The following PPP3CC variants were observed in gnomAD, a reference collection of about 807,000 sequenced individuals.
PPP3CC encodes serine/threonine-protein phosphatase 2B catalytic subunit gamma isoform.
In PPP3CC, 35 loss-of-function variants were observed where a neutral mutation model predicts 60.3. That is an observed-to-expected ratio of 0.58 (90% CI 0.44 to 0.77). The LOEUF (loss-of-function observed/expected upper bound fraction) is 0.77. PPP3CC is among the 30% of genes least tolerant of loss of function. The pLI, the probability that PPP3CC is intolerant of heterozygous loss-of-function variation, is 0.00. For missense variants in PPP3CC, 570 were observed against 628.9 expected, an observed-to-expected ratio of 0.91 and a Z score of 1.00; for synonymous variants, 206 against 224.3, an observed-to-expected ratio of 0.92 and a Z score of 0.73.
chr8:22,459,772 G>A (rs1196508624), intron 1 of PPP3CC, among the ~76,000 whole-genome samples: 1 of 152,156 alleles, frequency 6.6e-6, no homozygotes, highest in Non-Finnish European at 1.5e-5. Flanking sequence ...GTATTAGGAG[G>A]TATGGTCTTG....
chr8:22,444,999 A>G (rs774681443), intron 1 of PPP3CC, among the ~76,000 whole-genome samples: 14 of 152,244 alleles, frequency 9.2e-5, no homozygotes, highest in Admixed American at 5.9e-4. Context: ...CATGACAAAT[A>G]TAGAGAATCC....
At chr8:22,486,071 G>C (rs958762415) in intron 3 of PPP3CC, among the ~76,000 whole-genome samples, 6 of 143,870 alleles carry the variant, frequency 4.2e-5, no homozygotes, top group African/African-American at 1.7e-4. Flanking sequence ...TCTTGACTCT[G>C]TTTTAGTTGG....
At chr8:22,467,735 A>G (rs1456638058) in intron 1 of PPP3CC, among the ~76,000 whole-genome samples, 1 of 152,116 alleles carries the variant, frequency 6.6e-6, no homozygotes, top group Non-Finnish European at 1.5e-5. Flanking sequence ...CCTGTTCAAG[A>G]TGTTATAACA....
chr8:22,457,119 C>G (rs1265854535), intron 1 of PPP3CC, among the ~76,000 whole-genome samples: 7 of 146,876 alleles, frequency 4.8e-5, no homozygotes, highest in Non-Finnish European at 7.5e-5. Flanking sequence ...ATCCCTTCCC[C>G]TCTCTCAATA....
At position 22,468,437 on chromosome 8, in the gene PPP3CC, G is replaced by A. The variant is rs531616659; in HGVS notation, c.50-6517G>A. Among the ~76,000 whole-genome samples, 4 of 152,216 alleles carry A rather than the reference G, an allele frequency of 2.6e-5. No individual in the cohort carries two copies. In the South Asian group the frequency reaches 8.3e-4, roughly 32 times the overall value. ...GCTAGTCATTCTAAACTGGAAGCTT[G>A]ACATAATATTTTGAATCAAGCATTT... On this transcript the variant is annotated intron_variant, in intron 1 of 13. Transcript: ENST00000240139.
At chr8:22,453,396 T>A (rs1036239356) in intron 1 of PPP3CC, among the ~76,000 whole-genome samples, 1 of 152,204 alleles carries the variant, frequency 6.6e-6, no homozygotes, top group African/African-American at 2.4e-5. Context: ...CCTTAGGCGA[T>A]TTCATCATTA....
chr8:22,519,345 TTTTGA>T (rs1294201367), intron 6 of PPP3CC, among the ~76,000 whole-genome samples: 1 of 152,242 alleles, frequency 6.6e-6, no homozygotes, highest in African/African-American at 2.4e-5. Context: ...ATACTATATC[TTTTGA>T]TTTGAGAGTT....
At chr8:22,527,543 A>C in intron 9 of PPP3CC, 26 bp downstream of exon 9, 1 of 1,610,832 alleles carries the variant, frequency 6.2e-7, no homozygotes, top group East Asian at 2.2e-5. Context: ...CACATGTCTC[A>C]TCAGTTGTTT....
At chr8:22,491,761 G>A (rs745346407) in intron 3 of PPP3CC, among the ~76,000 whole-genome samples, 1 of 151,956 alleles carries the variant, frequency 6.6e-6, no homozygotes, top group Non-Finnish European at 1.5e-5. Flanking sequence ...TTGATTTGAT[G>A]TAATTTGATT....
chr8:22,529,649 A>T (rs994984878), intron 10 of PPP3CC, among the ~76,000 whole-genome samples: 1 of 151,848 alleles, frequency 6.6e-6, no homozygotes, highest in African/African-American at 2.4e-5. Context: ...ATGACCAGCT[A>T]ATTTTTGTAT....
intron 1 of PPP3CC, among the ~76,000 whole-genome samples, chr8:22,458,963 T>C (rs1483773676): frequency 2.0e-5 from 3 of 152,204 alleles, no homozygotes; most frequent in Non-Finnish European, 2.9e-5. Context: ...CAACTATAAG[T>C]AGAATGATAT....
chr8:22,517,016 G>T (rs2117105642), intron 6 of PPP3CC, among the ~76,000 whole-genome samples: 1 of 152,168 alleles, frequency 6.6e-6, no homozygotes, highest in East Asian at 1.9e-4. Context: ...AAAATGTTAT[G>T]ACCGGAGCCT....
intron 3 of PPP3CC, among the ~76,000 whole-genome samples, chr8:22,493,521 A>G (rs1048375123): frequency 5.3e-5 from 8 of 152,138 alleles, no homozygotes; most frequent in Non-Finnish European, 1.2e-4. Flanking sequence ...TTCTTATTCT[A>G]TAAGCTTTAT....
chr8:22,511,040 T>C, intron 4 of PPP3CC, 46 bp from the exon 5 acceptor site: 1 of 1,589,406 alleles, frequency 6.3e-7, no homozygotes, highest in East Asian at 2.2e-5. Flanking sequence ...TTTTCAAATG[T>C]GATACGTTTT....
intron 1 of PPP3CC, among the ~76,000 whole-genome samples, chr8:22,443,970 T>C (rs1836751846): frequency 6.6e-6 from 1 of 152,266 alleles, no homozygotes; most frequent in Admixed American, 6.5e-5. Context: ...CCAGCTATTT[T>C]TGTTTCTGTC....
intron 3 of PPP3CC, among the ~76,000 whole-genome samples, chr8:22,481,276 A>C (rs1838057558): frequency 6.6e-6 from 1 of 151,996 alleles, no homozygotes; most frequent in Non-Finnish European, 1.5e-5. Context: ...CAGAGGTTGC[A>C]GTGAGCCAAG....
In PPP3CC at chr8:22,523,416, C is replaced by T. The variant is rs1020090415; in HGVS notation, c.943+667C>T. On this transcript the variant is annotated intron_variant, in intron 8 of 13. Coordinates refer to ENST00000240139, the MANE Select transcript of PPP3CC (RefSeq NM_005605.5). Reference sequence around the variant, plus strand: ...GATTAATAGTTTATAAGTTTTCTATCGAGGCAGTGGTCCTACTAAAAACTT... The same window carrying T: ...GATTAATAGTTTATAAGTTTTCTATTGAGGCAGTGGTCCTACTAAAAACTT... Among the ~76,000 whole-genome samples the T allele has an allele frequency of 5.3e-5, 8 of 151,864 alleles. No homozygotes were observed. In the South Asian group the frequency reaches 6.2e-4, roughly 12 times the overall value.
At chr8:22,499,583 T>C (rs1278529696) in intron 4 of PPP3CC, among the ~76,000 whole-genome samples, 1 of 152,166 alleles carries the variant, frequency 6.6e-6, no homozygotes, top group Non-Finnish European at 1.5e-5. Context: ...ACAGCGAGAC[T>C]CCATCTCAAA....
intron 6 of PPP3CC, among the ~76,000 whole-genome samples, chr8:22,522,128 TAC>T (rs1176847563): frequency 1.1e-4 from 13 of 119,228 alleles, no homozygotes; most frequent in Non-Finnish European, 1.7e-4. Context: ...TAGCATCTAC[TAC>T]ACACACACGC....
Sources: gnomAD v4.1 joint callset for allele counts (sites outside exome capture counted in the v4.1 genomes callset) on GRCh38, gnomAD v4.1.1 for gene constraint, MANE v1.5 for transcripts, NCBI Gene and HGNC (gene_info 2026-07-23, HGNC 2026-07-21) for gene names.